The following FSIP1 variants were observed in gnomAD, a reference collection of about 807,000 sequenced individuals.
FSIP1 encodes the protein fibrous sheath-interacting protein 1.
FSIP1 carries 65 observed loss-of-function variants against 60.9 expected under a neutral mutation model. The observed-to-expected ratio is 1.07, with a 90% confidence interval of 0.87 to 1.31. FSIP1 has a LOEUF of 1.31. Among genes scored for constraint, FSIP1 ranks in the 40% most tolerant of loss-of-function variants. The pLI is 0.00. For missense variants in FSIP1, 675 were observed against 665.5 expected (o/e 1.01, Z -0.16); for synonymous variants, 209 against 221.2 (o/e 0.94, Z 0.49).
chr15:39,711,211 C>T (rs925545664), intron 10 of FSIP1, among the ~76,000 whole-genome samples: 3 of 152,140 alleles, frequency 2.0e-5, no homozygotes, highest in African/African-American at 7.2e-5. Context: ...AGTCCAAGAT[C>T]GAAGAGCTGG....
chr15:39,725,535 T>A (rs1219587040), intron 9 of FSIP1, among the ~76,000 whole-genome samples: 2 of 152,214 alleles, frequency 1.3e-5, no homozygotes, highest in Non-Finnish European at 2.9e-5. Context: ...TTACTATGAA[T>A]CAGAAGGATT....
chr15:39,598,043 T>C (rs1317209502), downstream of FSIP1: 1 of 152,200 alleles, frequency 6.6e-6, no homozygotes, highest in African/African-American at 2.4e-5. Flanking sequence ...TTGGAAGGAA[T>C]CCATAAATGC....
intron 2 of FSIP1, 105 bp downstream of exon 2, chr15:39,776,294 C>G (rs1025881398): frequency 1.9e-6 from 2 of 1,048,818 alleles, no homozygotes; most frequent in Non-Finnish European, 2.8e-6. Context: ...CCAAACACAC[C>G]GTCTAAGGAG....
intron 10 of FSIP1, among the ~76,000 whole-genome samples, chr15:39,693,977 T>C (rs1994380): frequency 0.16 from 23,696 of 152,198 alleles, 2,032 homozygotes; most frequent in African/African-American, 0.2. Context: ...GTGATGGATA[T>C]ATATTTATCA....
intron 8 of FSIP1, among the ~76,000 whole-genome samples, chr15:39,727,412 C>T (rs1378691310): frequency 1.3e-5 from 2 of 152,156 alleles, no homozygotes; most frequent in Admixed American, 6.5e-5. Flanking sequence ...CCATGGGAAC[C>T]AGAGAGGATC....
chr15:39,715,571 G>A (rs112751536), intron 9 of FSIP1, among the ~76,000 whole-genome samples: 3 of 152,312 alleles, frequency 2.0e-5, no homozygotes, highest in African/African-American at 2.4e-5. Context: ...ATTATTAAGA[G>A]TGCGTCAATT....
chr15:39,625,686 C>A (rs1441894015), intron 10 of FSIP1, among the ~76,000 whole-genome samples: 1 of 152,104 alleles, frequency 6.6e-6, no homozygotes, highest in Non-Finnish European at 1.5e-5. Context: ...AAGTCTGGGG[C>A]CCAGCTCTAC....
chr15:39,734,923 C>T (rs954778295), intron 8 of FSIP1, among the ~76,000 whole-genome samples: 1 of 152,094 alleles, frequency 6.6e-6, no homozygotes, highest in African/African-American at 2.4e-5. Flanking sequence ...ATAGAGATGA[C>T]CTTAAACTAG....
At chr15:39,668,994 A>G (rs1893611379) in intron 10 of FSIP1, among the ~76,000 whole-genome samples, 2 of 152,214 alleles carry the variant, frequency 1.3e-5, no homozygotes, top group South Asian at 4.1e-4. Flanking sequence ...AAGTATATGA[A>G]TTATGAGTAT....
At chr15:39,729,321 T>C (rs974216624) in intron 8 of FSIP1, among the ~76,000 whole-genome samples, 1 of 152,178 alleles carries the variant, frequency 6.6e-6, no homozygotes, top group South Asian at 2.1e-4. Context: ...CCTATAATTC[T>C]AGCACTTCAG....
At chr15:39,615,658 T>C (rs1314658893) in intron 11 of FSIP1, among the ~76,000 whole-genome samples, 1 of 148,742 alleles carries the variant, frequency 6.7e-6, no homozygotes, top group Non-Finnish European at 1.5e-5. Context: ...GAGGCCGAGG[T>C]GGGCAGATCA....
chr15:39,686,008 AGAGCT>A lies in FSIP1; in HGVS notation c.1188+27431_1188+27435del, dbSNP rs1484124767. The stretch of plus-strand genomic sequence containing the variant: ...AAAAATATTAGCAAAAAGGGTAACA[AGAGCT>A]GTCCAGTTAACAAAACTAATTTCAA... On this transcript the variant is annotated intron_variant, in intron 10 of 11. Coordinates refer to ENST00000350221, the MANE Select transcript of FSIP1 (RefSeq NM_152597.5). Among the ~76,000 whole-genome samples the A allele has an allele frequency of 4.6e-5, 7 of 152,370 alleles. No individual in the cohort carries two copies. The South Asian group carries it at 1.4e-3, about 32-fold the overall frequency.
At chr15:39,743,523 G>A (rs908155514) in intron 5 of FSIP1, among the ~76,000 whole-genome samples, 2 of 152,162 alleles carry the variant, frequency 1.3e-5, no homozygotes, top group Middle Eastern at 3.4e-3. Context: ...AGAAATTATG[G>A]AATTAACCAT....
At chr15:39,761,656 G>T (rs932437589) in intron 5 of FSIP1, among the ~76,000 whole-genome samples, 4 of 152,074 alleles carry the variant, frequency 2.6e-5, no homozygotes, top group African/African-American at 9.7e-5. Flanking sequence ...TCTATTGCAC[G>T]GTGTGGTGAA....
At chr15:39,671,999 C>T (rs1893739469) in intron 10 of FSIP1, among the ~76,000 whole-genome samples, 1 of 152,172 alleles carries the variant, frequency 6.6e-6, no homozygotes, top group Non-Finnish European at 1.5e-5. Context: ...GATACAGGTT[C>T]CACAAACTTT....
At chr15:39,711,242 G>C (rs1292812020) in intron 10 of FSIP1, among the ~76,000 whole-genome samples, 1 of 152,086 alleles carries the variant, frequency 6.6e-6, no homozygotes, top group Non-Finnish European at 1.5e-5. Flanking sequence ...GCCTAGTAAG[G>C]GCCCATTTCC....
rs111962610 is a variant in FSIP1, at chr15:39,640,727, CAA to C, written c.1189-22484_1189-22483del. Among the ~76,000 whole-genome samples, 67 of 99,954 alleles carry C rather than the reference CAA, an allele frequency of 6.7e-4. No individual in the cohort carries two copies. In the East Asian group the frequency reaches 0.01, roughly 15 times the overall value. The allele number at this position is 99,954 out of a possible 152,430, so 65.6% of individuals were successfully genotyped here. On this transcript the variant is annotated intron_variant, in intron 10 of 11. Transcript: ENST00000350221. The stretch of plus-strand genomic sequence containing the variant: ...CACGTGGTAGAAGAAGATTTACAGA[CAA>C]AAAAAAAAAAAAAATGGAAATGACA...
chr15:39,711,938 C>T (rs971042198), intron 10 of FSIP1, among the ~76,000 whole-genome samples: 1 of 151,982 alleles, frequency 6.6e-6, no homozygotes, highest in Non-Finnish European at 1.5e-5. Flanking sequence ...CTGCCCGCCT[C>T]GGCCTCCCAA....
chr15:39,688,235 C>T (rs1311740761), intron 10 of FSIP1, among the ~76,000 whole-genome samples: 1 of 152,166 alleles, frequency 6.6e-6, no homozygotes, highest in Non-Finnish European at 1.5e-5. Flanking sequence ...CCTCAACTTA[C>T]AATGGGCTTA....
Sources: allele counts gnomAD v4.1 joint callset (sites outside exome capture counted in the v4.1 genomes callset), GRCh38; gene constraint gnomAD v4.1.1; transcripts MANE v1.5; gene names NCBI Gene and HGNC (gene_info 2026-07-23, HGNC 2026-07-21).